AUTS2: variants seen among roughly 807,000 people sequenced by gnomAD.
AUTS2 encodes the protein activator of transcription and developmental regulator AUTS2.
A neutral mutation model predicts 112.4 loss-of-function variants in AUTS2; 17 were observed. The observed-to-expected ratio is 0.15, with a 90% CI of 0.10 to 0.23. The LOEUF (loss-of-function observed/expected upper bound fraction) is 0.23, where lower values mean the gene tolerates loss of function less well. Ranked by LOEUF, AUTS2 falls within the 10% of genes least tolerant of loss-of-function variation. AUTS2 has a pLI of 1.00. For synonymous variants in AUTS2, 751 were observed against 702.7 expected, an observed-to-expected ratio of 1.07 and a Z score of -1.09; for missense variants, 1,510 against 1,701.6, an observed-to-expected ratio of 0.89 and a Z score of 1.98.
chr7:70,300,308 A>G (rs938860532), intron 4 of AUTS2, among the ~76,000 whole-genome samples: 2 of 152,224 alleles, frequency 1.3e-5, no homozygotes, highest in Non-Finnish European at 2.9e-5. Flanking sequence ...TTGTTGGGCC[A>G]CATTCAGAGC....
At chr7:69,610,023 C>A (rs1172619118) in intron 1 of AUTS2, among the ~76,000 whole-genome samples, 1 of 152,216 alleles carries the variant, frequency 6.6e-6, no homozygotes, top group Non-Finnish European at 1.5e-5. Context: ...AATAAAAAGA[C>A]ATTGATGAAT....
intron 6 of AUTS2, among the ~76,000 whole-genome samples, chr7:70,700,672 C>T (rs188990153): frequency 5.9e-4 from 90 of 152,268 alleles, no homozygotes; most frequent in Non-Finnish European, 8.5e-4. Flanking sequence ...TGCTAAATAT[C>T]AGGAAAACAA....
chr7:69,778,248 T>TATA (rs1562876862), intron 1 of AUTS2, among the ~76,000 whole-genome samples: 2,131 of 52,520 alleles, frequency 0.041, 24 homozygotes, highest in African/African-American at 0.062. Flanking sequence ...ATATATATAT[T>TATA]TTTTTTTTTT....
intron 1 of AUTS2, among the ~76,000 whole-genome samples, chr7:69,776,718 C>A (rs956080513): frequency 6.6e-6 from 1 of 152,116 alleles, no homozygotes; most frequent in African/African-American, 2.4e-5. Context: ...CATGCCTAGT[C>A]AAAAATGTAA....
chr7:69,828,581 GT>G (rs1167944507), intron 1 of AUTS2, among the ~76,000 whole-genome samples: 1 of 152,174 alleles, frequency 6.6e-6, no homozygotes, highest in Non-Finnish European at 1.5e-5. Flanking sequence ...CTTCAGTCTA[GT>G]GTATTATAAC....
intron 6 of AUTS2, among the ~76,000 whole-genome samples, chr7:70,735,948 T>C (rs961176270): frequency 6.6e-6 from 1 of 152,180 alleles, no homozygotes; most frequent in African/African-American, 2.4e-5. Context: ...TCAAAATCCT[T>C]ATTTGATTGA....
chr7:70,698,495 A>G (rs999342297), intron 5 of AUTS2, 74 bp from the exon 6 acceptor site: 2 of 1,287,408 alleles, frequency 1.6e-6, no homozygotes, highest in Non-Finnish European at 2.2e-6. Context: ...CTGATTTAAA[A>G]TAATGGGAAT....
intron 2 of AUTS2, among the ~76,000 whole-genome samples, chr7:69,939,935 A>G (rs529061325): frequency 6.6e-6 from 1 of 152,344 alleles, no homozygotes; most frequent in Admixed American, 6.5e-5. Context: ...TGAACAAGGC[A>G]GATATTCCAC....
chr7:70,702,651 T>C (rs1413419827), intron 6 of AUTS2, among the ~76,000 whole-genome samples: 1 of 152,136 alleles, frequency 6.6e-6, no homozygotes, highest in African/African-American at 2.4e-5. Context: ...GGGCACCCAG[T>C]GTCTCCTGAA....
intron 4 of AUTS2, among the ~76,000 whole-genome samples, chr7:70,196,418 T>C (rs1402250263): frequency 6.6e-6 from 1 of 152,210 alleles, no homozygotes; most frequent in Non-Finnish European, 1.5e-5. Flanking sequence ...AATTTCTTGC[T>C]GAGTAGATGG....
intron 4 of AUTS2, among the ~76,000 whole-genome samples, chr7:70,218,736 A>C (rs1464917727): frequency 6.6e-6 from 1 of 152,140 alleles, no homozygotes; most frequent in East Asian, 1.9e-4. Flanking sequence ...TACTTTCTTC[A>C]TTCTTGGTAG....
chr7:70,548,459 A>G (rs1800880428), intron 5 of AUTS2, among the ~76,000 whole-genome samples: 1 of 151,970 alleles, frequency 6.6e-6, no homozygotes, highest in African/African-American at 2.4e-5. Flanking sequence ...TATGGATCAT[A>G]CTTTTGTTGT....
chr7:70,416,487 C>G (rs921394145), intron 4 of AUTS2, among the ~76,000 whole-genome samples: 1 of 152,202 alleles, frequency 6.6e-6, no homozygotes, highest in African/African-American at 2.4e-5. Context: ...AATGCTCTCT[C>G]TCTCCTCTTG....
intron 5 of AUTS2, among the ~76,000 whole-genome samples, chr7:70,692,731 G>A (rs1348430664): frequency 2.0e-5 from 3 of 151,274 alleles, no homozygotes; most frequent in African/African-American, 7.3e-5. Context: ...GCTAGAGGAG[G>A]GGGAAGTATG....
intron 4 of AUTS2, among the ~76,000 whole-genome samples, chr7:70,230,587 G>A (rs921300047): frequency 3.9e-5 from 6 of 152,198 alleles, no homozygotes; most frequent in East Asian, 1.9e-4. Context: ...TTTTTGTGTT[G>A]TAAGGCCTCA....
At chr7:70,585,494 C>A (rs2129527655) in intron 5 of AUTS2, among the ~76,000 whole-genome samples, 1 of 151,898 alleles carries the variant, frequency 6.6e-6, no homozygotes, top group South Asian at 2.1e-4. Flanking sequence ...AAATGAACTC[C>A]TTCCGAGAGC....
chr7:69,870,581 A>G (rs899802482), intron 1 of AUTS2, among the ~76,000 whole-genome samples: 1 of 151,232 alleles, frequency 6.6e-6, no homozygotes, highest in Non-Finnish European at 1.5e-5. Flanking sequence ...AAGATGACAG[A>G]AAAAAGTACA....
intron 1 of AUTS2, among the ~76,000 whole-genome samples, chr7:69,600,940 T>A (rs1298785195): frequency 1.3e-5 from 2 of 151,856 alleles, no homozygotes; most frequent in African/African-American, 4.8e-5. Context: ...CAGCGTTGAT[T>A]TTCAAATGCA....
intron 5 of AUTS2, among the ~76,000 whole-genome samples, chr7:70,671,655 A>G (rs1397732730): frequency 1.3e-5 from 2 of 150,316 alleles, no homozygotes; most frequent in Non-Finnish European, 3.0e-5. Context: ...ATGGCAAGTA[A>G]TAACCCCCCC....
Sources: allele counts gnomAD v4.1 joint callset (sites outside exome capture counted in the v4.1 genomes callset), GRCh38; gene constraint gnomAD v4.1.1; transcripts MANE v1.5; gene names NCBI Gene and HGNC (gene_info 2026-07-23, HGNC 2026-07-21).